The following AQP7 variants were observed in gnomAD, a reference collection of about 807,000 sequenced individuals.
AQP7 encodes the protein aquaporin-7.
Under a neutral mutation model 26.1 loss-of-function variants are expected in AQP7, and 22 were observed. That is an observed-to-expected ratio of 0.84 (90% confidence interval 0.60 to 1.20). AQP7 has a LOEUF of 1.20. AQP7 is among the 50% of genes most tolerant of loss of function. The pLI, the probability that AQP7 is intolerant of heterozygous loss-of-function variation, is 0.00. For missense variants in AQP7, 412 were observed against 457.5 expected (o/e 0.90, Z 0.91); for synonymous variants, 167 against 181.7 (o/e 0.92, Z 0.65).
chr9:33,391,398 G>A lies in AQP7; in HGVS notation c.144+3680C>T. On this transcript the variant is annotated intron_variant, in intron 3 of 7. Coordinates refer to ENST00000297988, the MANE Select transcript of AQP7 (RefSeq NM_001170.3). Reference sequence around the variant, plus strand: ...CCAGCCAAAGTCCCCACCGCCCTGAGTTGCCGCTCTCTTGGCCCCCGTAGC... The same window carrying A: ...CCAGCCAAAGTCCCCACCGCCCTGAATTGCCGCTCTCTTGGCCCCCGTAGC... The A allele has an allele frequency of 2.2e-5, 5 of 225,734 alleles. No individual in the cohort carries two copies. The South Asian group carries it at 2.5e-4, about 11-fold the overall frequency. The allele number at this position is 225,734 out of a possible 1,614,324, so 14.0% of individuals were successfully genotyped here.
In AQP7 at chr9:33,384,508, C is replaced by T. The variant is rs1323551787; in HGVS notation, c.*497G>A. 1 of 152,370 alleles carries T rather than the reference C, an allele frequency of 6.6e-6. No individual in the cohort carries two copies. Among genetic ancestry groups the T allele is most frequent in the Non-Finnish European group, 1.5e-5 (1 of 68,470 alleles). 9.4% of individuals were successfully genotyped at this position (152,370 alleles called of 1,614,324 possible). On this transcript the variant is annotated 3_prime_UTR_variant, in exon 8 of 8. Transcript: ENST00000297988. ...AAGAAAAAAAAAATCTAGAAGAATA[C>T]TAGGGAAGGAACTAATGAAAAAAAG... is the stretch of plus-strand genomic sequence containing the variant.
intron 2 of AQP7, among the ~76,000 whole-genome samples, chr9:33,399,489 G>T (rs201648979): frequency 7.9e-5 from 12 of 152,168 alleles, no homozygotes; most frequent in Non-Finnish European, 1.0e-4. Flanking sequence ...TACCAGCTGG[G>T]GGGGGAGGGG....
rs1047455010 is a variant in AQP7 at position 33,397,835 on chromosome 9, G to A, written c.27-2640C>T. ...CAAGAACACCAAGAGAATCCTGGAA[G>A]CCTGGCTCCTTCCTCATCACCACAC... On this transcript the variant is annotated intron_variant, in intron 2 of 7. Coordinates refer to ENST00000297988, the MANE Select transcript of AQP7 (RefSeq NM_001170.3). 4.6e-5 allele frequency among the ~76,000 whole-genome samples: 7 copies of A among 152,284 alleles called. No individual in the cohort carries two copies. The South Asian group carries it at 1.5e-3, about 32-fold the overall frequency.
chr9:33,390,113 G>T (rs900841479), intron 3 of AQP7, among the ~76,000 whole-genome samples: 1 of 152,110 alleles, frequency 6.6e-6, no homozygotes, highest in African/African-American at 2.4e-5. Flanking sequence ...CCTGAGGAGC[G>T]GGGGAGAGAG....
rs541770524 is a variant in AQP7, at chr9:33,385,105, G to A, written c.929C>T (p.Thr310Met). The A allele has an allele frequency of 2.5e-5, 41 of 1,611,942 alleles. No individual in the cohort carries two copies. The highest frequency in any genetic ancestry group is 3.1e-5 in the Non-Finnish European group (36 of 1,179,808). The part of the protein sequence containing the change: ...VLPKMGSHEP[T>M]ISPLTPVSVS... ...AGAGACGGGGGTGAGGGGAGAGATC[G>A]TGGGTTCATGAGATCCCATCTTGGG... is the stretch of plus-strand genomic sequence containing the variant. The change falls in exon 8 of 8, where the codon ACG becomes ATG. Residue 310 changes from threonine to methionine, a missense_variant. Transcript: ENST00000297988.
At chr9:33,389,511 A>T (rs1235841672) in intron 3 of AQP7, among the ~76,000 whole-genome samples, 1 of 152,154 alleles carries the variant, frequency 6.6e-6, no homozygotes, top group Non-Finnish European at 1.5e-5. Flanking sequence ...CTGCATCTTG[A>T]AATAGGATTT....
intron 2 of AQP7, chr9:33,400,983 T>C (rs1289080273): frequency 5.5e-6 from 3 of 547,934 alleles, no homozygotes; most frequent in Non-Finnish European, 3.3e-6. Flanking sequence ...TGCAGTTGAG[T>C]TGAAGGCCAC....
chr9:33,393,186 C>G (rs1176385937), intron 3 of AQP7, among the ~76,000 whole-genome samples: 2 of 152,174 alleles, frequency 1.3e-5, no homozygotes, highest in East Asian at 3.8e-4. Flanking sequence ...TGAGATCACA[C>G]CACTGCACTC....
Position 33,384,852 on chromosome 9 carries a change from A to T in AQP7, c.*153T>A. On this transcript the variant is annotated 3_prime_UTR_variant, in exon 8 of 8. Coordinates refer to ENST00000297988, the MANE Select transcript of AQP7 (RefSeq NM_001170.3). ...GGGCATGAAAGACTTGAGGTGCCTCACCTCTACACCTTGGGCTAAGACATA... is the reference window on the plus strand; with the variant it reads ...GGGCATGAAAGACTTGAGGTGCCTCTCCTCTACACCTTGGGCTAAGACATA... The T allele has an allele frequency of 1.1e-6, 1 of 879,226 alleles. No individual in the cohort carries two copies. Among genetic ancestry groups the T allele is most frequent in the Non-Finnish European group, 1.7e-6 (1 of 576,382 alleles). 54.5% of individuals were successfully genotyped at this position (879,226 alleles called of 1,614,324 possible).
At chr9:33,401,467 A>T (rs1238127874) in intron 1 of AQP7, 180 bp from the exon 2 acceptor site, 7 of 599,710 alleles carry the variant, frequency 1.2e-5, no homozygotes, top group African/African-American at 1.1e-4. Flanking sequence ...GACGCCCTGG[A>T]GCCCCACCCC....
intron 3 of AQP7, among the ~76,000 whole-genome samples, chr9:33,388,544 C>T (rs1825085510): frequency 6.6e-6 from 1 of 152,220 alleles, no homozygotes; most frequent in Non-Finnish European, 1.5e-5. Context: ...TGCCCCAATA[C>T]TCTTTGTATT....
rs1252883927 is a variant in AQP7 at position 33,384,128 on chromosome 9, G to A, written c.*877C>T. On this transcript the variant is annotated 3_prime_UTR_variant, in exon 8 of 8. Coordinates refer to ENST00000297988, the MANE Select transcript of AQP7 (RefSeq NM_001170.3). ...ACAGAGTGATTCCTGCCTGGCCCCA[G>A]GGTCAGTGGATCCTGGCCCCTCACC... 1 of 152,314 alleles carries A rather than the reference G, an allele frequency of 6.6e-6. No homozygotes were observed. Among genetic ancestry groups the A allele is most frequent in the East Asian group, 1.9e-4 (1 of 5,172 alleles). The allele number at this position is 152,314 out of a possible 1,614,324, so 9.4% of individuals were successfully genotyped here.
rs1447127817 is a variant in AQP7, at chr9:33,395,083, T to C, written c.139A>G (p.Met47Val). The C allele has an allele frequency of 1.9e-6, 3 of 1,598,058 alleles. No individual in the cohort carries two copies. The highest frequency in any genetic ancestry group is 3.3e-4 in the Middle Eastern group (2 of 5,990). The part of the protein sequence containing the change: ...FLAEFMSTYV[M>V]MVFGLGSVAH... ...CGTGCTGCCCACCCACTCACCATCA[T>C]GACATATGTGCTCATGAACTCGGCC... The change falls in exon 3 of 8, where the codon ATG becomes GTG. Residue 47 changes from methionine to valine, a missense_variant. Met to Val is a conservative substitution (Grantham distance 21). Coordinates refer to ENST00000297988, the MANE Select transcript of AQP7 (RefSeq NM_001170.3).
At chr9:33,387,343 C>T (rs1373454503) in intron 3 of AQP7, among the ~76,000 whole-genome samples, 3 of 152,138 alleles carry the variant, frequency 2.0e-5, no homozygotes, top group East Asian at 1.9e-4. Context: ...GCTCTTACGA[C>T]AAACATCCAA....
chr9:33,387,534 A>G (rs2380980), intron 3 of AQP7, among the ~76,000 whole-genome samples: 1 of 150,676 alleles, frequency 6.6e-6, no homozygotes, highest in Admixed American at 6.7e-5. Context: ...CTCCCTGCAC[A>G]AACACACACA....
chr9:33,401,794 T>A (rs1198742388), intron 1 of AQP7: 1 of 161,972 alleles, frequency 6.2e-6, no homozygotes, highest in Non-Finnish European at 1.4e-5. Context: ...TTTGTACTCC[T>A]ATCTTTATCT....
chr9:33,385,996 G>A (rs1236671235), intron 6 of AQP7, 81 bp downstream of exon 6: 1 of 1,587,494 alleles, frequency 6.3e-7, no homozygotes, highest in Non-Finnish European at 8.6e-7. Context: ...TTCTTGTCCT[G>A]TCTATCCGGA....
intron 2 of AQP7, 150 bp from the exon 3 acceptor site, chr9:33,395,345 A>G: frequency 3.0e-6 from 2 of 666,942 alleles, no homozygotes; most frequent in Non-Finnish European, 5.3e-6. Context: ...GGACAGCTGG[A>G]ATTGGAGACA....
rs377617431 is a variant in AQP7 at position 33,385,678 on chromosome 9, G to A, written c.714C>T (p.Phe238=). 2 of 1,613,782 alleles carry A rather than the reference G, an allele frequency of 1.2e-6. No homozygotes were observed. The highest frequency in any genetic ancestry group is 2.7e-5 in the African/African-American group (2 of 74,910). ...SRDLPPRIFT[F]IAGWGKQVFS... is the part of the protein sequence containing the mutation. ...AGACCTGTTTGCCCCAACCAGCAAT[G>A]AAGGTGAAGATGCGGGGGGGCAGGT... is the stretch of plus-strand genomic sequence containing the variant. The change falls in exon 7 of 8, where the codon TTC becomes TTT. Residue 238 remains phenylalanine, a synonymous_variant. Transcript: ENST00000297988.
Sources: gnomAD v4.1 joint callset for allele counts (sites outside exome capture counted in the v4.1 genomes callset) on GRCh38, gnomAD v4.1.1 for gene constraint, MANE v1.5 for transcripts, NCBI Gene and HGNC (gene_info 2026-07-23, HGNC 2026-07-21) for gene names.